Variants in ZFR observed in about 807,000 individuals in gnomAD.
ZFR encodes the protein zinc finger RNA-binding protein.
In ZFR, 19 loss-of-function variants were observed where a neutral mutation model predicts 130.7. The ratio of observed to expected loss-of-function variants is 0.15; its 90% confidence interval spans 0.10 to 0.21. ZFR has a LOEUF of 0.21. Ranked by LOEUF, ZFR falls within the 10% of genes least tolerant of loss-of-function variation. The pLI, the probability that ZFR is intolerant of heterozygous loss-of-function variation, is 1.00. For synonymous variants in ZFR, 466 were observed against 456.9 expected (o/e 1.02, Z -0.25); for missense variants, 872 against 1,321.5 (o/e 0.66, Z 5.27).
chr5:32,394,607 G>C (rs908375108), intron 11 of ZFR: 1 of 152,342 alleles, frequency 6.6e-6, no homozygotes, highest in Admixed American at 6.5e-5. Flanking sequence ...ATGGGTACGT[G>C]ATTTCTTTTG....
intron 5 of ZFR, 53 bp from the exon 6 acceptor site, chr5:32,407,074 G>A: frequency 7.4e-7 from 1 of 1,358,542 alleles, no homozygotes; most frequent in Non-Finnish European, 9.6e-7. Context: ...AGAAGGACAA[G>A]TTAAAATTTA....
chr5:32,378,695 A>G (rs1436235500), intron 17 of ZFR, among the ~76,000 whole-genome samples: 1 of 151,764 alleles, frequency 6.6e-6, no homozygotes, highest in Non-Finnish European at 1.5e-5. Flanking sequence ...TGAATCTCCT[A>G]TTTTTTTTGT....
At chr5:32,374,316 G>A (rs951470028) in intron 17 of ZFR, among the ~76,000 whole-genome samples, 1 of 151,984 alleles carries the variant, frequency 6.6e-6, no homozygotes, top group African/African-American at 2.4e-5. Context: ...GACTACCCTG[G>A]CCAACATGAT....
intron 2 of ZFR, among the ~76,000 whole-genome samples, chr5:32,421,635 T>C (rs1035529107): frequency 2.6e-5 from 4 of 152,128 alleles, no homozygotes; most frequent in African/African-American, 9.7e-5. Flanking sequence ...ACTTACTCCA[T>C]GCTGCTCCAG....
At chr5:32,402,201 C>T (rs920110178) in intron 8 of ZFR, among the ~76,000 whole-genome samples, 1 of 152,124 alleles carries the variant, frequency 6.6e-6, no homozygotes, top group Admixed American at 6.5e-5. Context: ...CTTAGTAACA[C>T]TACCATTTAA....
chr5:32,354,438 T>G lies in ZFR; in HGVS notation c.*1322A>C, dbSNP rs1752261955. The stretch of plus-strand genomic sequence containing the variant: ...AATTCTAACATATAATACATTTAAG[T>G]CATTATATGAATTTCATTTTTTGTG... On this transcript the variant is annotated 3_prime_UTR_variant, in exon 20 of 20. Coordinates refer to ENST00000265069, the MANE Select transcript of ZFR (RefSeq NM_016107.5). The G allele has an allele frequency of 6.6e-6, 1 of 152,648 alleles. No homozygotes were observed. Among genetic ancestry groups the G allele is most frequent in the Non-Finnish European group, 1.5e-5 (1 of 68,036 alleles). 9.5% of individuals were successfully genotyped at this position (152,648 alleles called of 1,614,324 possible). A position where few individuals can be genotyped will look rare whatever the true frequency, so the allele number is the denominator to read the frequency against.
At chr5:32,417,896 T>TA (rs1316859961) in intron 3 of ZFR, 104 bp from the exon 4 acceptor site, 2 of 1,040,580 alleles carry the variant, frequency 1.9e-6, no homozygotes, top group African/African-American at 3.2e-5. Context: ...ACTAAATACG[T>TA]AGTTTCATGA....
In ZFR at chr5:32,354,434, T is replaced by G. The variant is rs1196499347; in HGVS notation, c.*1326A>C. The G allele has an allele frequency of 1.3e-5, 2 of 152,656 alleles. No homozygotes were observed. Among genetic ancestry groups the G allele is most frequent in the Non-Finnish European group, 2.9e-5 (2 of 68,042 alleles). The allele number at this position is 152,656 out of a possible 1,614,324, so 9.5% of individuals were successfully genotyped here. ...TGTCAATTCTAACATATAATACATT[T>G]AAGTCATTATATGAATTTCATTTTT... On this transcript the variant is annotated 3_prime_UTR_variant, in exon 20 of 20. Coordinates refer to ENST00000265069, the MANE Select transcript of ZFR (RefSeq NM_016107.5).
intron 10 of ZFR, among the ~76,000 whole-genome samples, chr5:32,395,990 G>A (rs1447248165): frequency 6.6e-6 from 1 of 152,152 alleles, no homozygotes; most frequent in South Asian, 2.1e-4. Context: ...GGGAGGCCAA[G>A]GAAGGCAGAT....
chr5:32,431,119 T>G (rs1046333435), intron 2 of ZFR, among the ~76,000 whole-genome samples: 1 of 152,168 alleles, frequency 6.6e-6, no homozygotes, highest in African/African-American at 2.4e-5. Context: ...AGACCCACGC[T>G]AATGGAAATT....
At chr5:32,358,093 C>A (rs1417194562) in intron 19 of ZFR, among the ~76,000 whole-genome samples, 2 of 152,196 alleles carry the variant, frequency 1.3e-5, no homozygotes, top group Non-Finnish European at 2.9e-5. Flanking sequence ...TGTGATGGCT[C>A]ATGCCTGTAA....
intron 19 of ZFR, among the ~76,000 whole-genome samples, chr5:32,357,560 C>G (rs968010784): frequency 1.3e-5 from 2 of 152,034 alleles, no homozygotes; most frequent in East Asian, 3.9e-4. Flanking sequence ...GCCACCAGGG[C>G]CAGCCAACTT....
At chr5:32,436,209 C>G (rs548208414) in intron 2 of ZFR, among the ~76,000 whole-genome samples, 3 of 125,596 alleles carry the variant, frequency 2.4e-5, no homozygotes, top group Non-Finnish European at 4.7e-5. Context: ...AGTGCAGTGG[C>G]GCGATCTCGG....
intron 5 of ZFR, among the ~76,000 whole-genome samples, chr5:32,410,554 G>C (rs1191662505): frequency 6.6e-6 from 1 of 151,940 alleles, no homozygotes; most frequent in Non-Finnish European, 1.5e-5. Flanking sequence ...GTTGCAGTGA[G>C]CTGAGATGGT....
chr5:32,390,679 TCA>T (rs964964130), intron 11 of ZFR, among the ~76,000 whole-genome samples: 9 of 152,192 alleles, frequency 5.9e-5, no homozygotes, highest in African/African-American at 9.6e-5. Context: ...ATCAGAAACC[TCA>T]GTTTCTTACC....
chr5:32,401,100 C>G (rs903977638), intron 8 of ZFR, among the ~76,000 whole-genome samples: 1 of 152,154 alleles, frequency 6.6e-6, no homozygotes, highest in African/African-American at 2.4e-5. Flanking sequence ...TAAATAATAG[C>G]TTTCATTTTT....
At position 32,355,583 on chromosome 5, in the gene ZFR, CT is replaced by C; in HGVS notation, c.*176del. On this transcript the variant is annotated 3_prime_UTR_variant, in exon 20 of 20. Coordinates refer to ENST00000265069, the MANE Select transcript of ZFR (RefSeq NM_016107.5). ...GGAGCACATTTTTTTTTTTGGGTGT[CT>C]TTCCATTCAAATAATACCTAACACT... is the stretch of plus-strand genomic sequence containing the variant. The C allele has an allele frequency of 4.3e-6, 2 of 462,400 alleles. No homozygotes were observed. The highest frequency in any genetic ancestry group is 7.0e-6 in the Non-Finnish European group (2 of 286,830). 28.6% of individuals were successfully genotyped at this position (462,400 alleles called of 1,614,324 possible). A position where few individuals can be genotyped will look rare whatever the true frequency, so the allele number is the denominator to read the frequency against.
At position 32,403,894 on chromosome 5, in the gene ZFR, A is replaced by G. The variant is rs764990803; in HGVS notation, c.1224+12T>C. 3 of 1,559,716 alleles carry G rather than the reference A, an allele frequency of 1.9e-6. No homozygotes were observed. The highest frequency in any genetic ancestry group is 1.7e-4 in the Middle Eastern group (1 of 5,840). On this transcript the variant is annotated intron_variant, in intron 7 of 19. Coordinates refer to ENST00000265069, the MANE Select transcript of ZFR (RefSeq NM_016107.5). Reference sequence around the variant, plus strand: ...ATCAAGGCATAAGGGTGTGTGGGAAAAAAACACCTACTTTCTGATGCTTAG... The same window carrying G: ...ATCAAGGCATAAGGGTGTGTGGGAAGAAAACACCTACTTTCTGATGCTTAG...
intron 17 of ZFR, among the ~76,000 whole-genome samples, chr5:32,368,255 C>A (rs567701992): frequency 2.0e-5 from 3 of 151,390 alleles, no homozygotes; most frequent in Admixed American, 1.3e-4. Context: ...CCCCCCCCAA[C>A]AAGAGACGGA....
Sources: gnomAD v4.1 joint callset for allele counts (sites outside exome capture counted in the v4.1 genomes callset) on GRCh38, gnomAD v4.1.1 for gene constraint, MANE v1.5 for transcripts, NCBI Gene and HGNC (gene_info 2026-07-23, HGNC 2026-07-21) for gene names.